Variants in TRPM3 observed in about 807,000 individuals in gnomAD.
The protein encoded by TRPM3 is transient receptor potential cation channel subfamily M member 3, also known as long transient receptor potential channel 3.
In TRPM3, 77 loss-of-function variants were observed where a neutral mutation model predicts 181.2. The ratio of observed to expected loss-of-function variants is 0.42; its 90% CI spans 0.35 to 0.51. TRPM3 has a LOEUF of 0.51. TRPM3 is among the 20% of genes least tolerant of loss of function. TRPM3 has a pLI of 0.01. For synonymous variants in TRPM3, 745 were observed against 796.4 expected, an observed-to-expected ratio of 0.94 and a Z score of 1.09; for missense variants, 1,759 against 2,196.7, an observed-to-expected ratio of 0.80 and a Z score of 3.98.
intron 5 of TRPM3, among the ~76,000 whole-genome samples, chr9:70,840,795 G>T (rs762269940): frequency 2.0e-5 from 3 of 152,152 alleles, no homozygotes; most frequent in Non-Finnish European, 2.9e-5. Flanking sequence ...AATACAAAGA[G>T]CCAGTAGGCC....
At chr9:71,337,632 T>C (rs1043700277) in intron 1 of TRPM3, among the ~76,000 whole-genome samples, 5 of 152,088 alleles carry the variant, frequency 3.3e-5, no homozygotes, top group Non-Finnish European at 7.4e-5. Context: ...CACATGCACA[T>C]GTATGTTTAT....
chr9:71,429,891 A>G (rs1337461746), intron 1 of TRPM3, among the ~76,000 whole-genome samples: 1 of 152,104 alleles, frequency 6.6e-6, no homozygotes, highest in Non-Finnish European at 1.5e-5. Context: ...GCCTCGGGAC[A>G]CTTGTACTTG....
chr9:71,395,242 A>G (rs2132979487), intron 1 of TRPM3, among the ~76,000 whole-genome samples: 1 of 152,268 alleles, frequency 6.6e-6, no homozygotes, highest in East Asian at 1.9e-4. Flanking sequence ...CCTAGTCTGT[A>G]TTTCCATCTC....
At chr9:71,074,850 G>T (rs1392479685) in intron 1 of TRPM3, among the ~76,000 whole-genome samples, 3 of 151,992 alleles carry the variant, frequency 2.0e-5, no homozygotes, top group African/African-American at 7.3e-5. Flanking sequence ...CCTGGGAAAG[G>T]CTAACTTGAA....
intron 22 of TRPM3, among the ~76,000 whole-genome samples, chr9:70,566,978 A>C (rs2050765633): frequency 6.6e-6 from 1 of 152,236 alleles, no homozygotes; most frequent in African/African-American, 2.4e-5. Flanking sequence ...AAAACCTCAC[A>C]GTATGAGGTT....
chr9:71,118,193 T>C (rs1300608024), intron 1 of TRPM3, among the ~76,000 whole-genome samples: 1 of 152,190 alleles, frequency 6.6e-6, no homozygotes, highest in Non-Finnish European at 1.5e-5. Flanking sequence ...CTATCATCAT[T>C]GTGTGCCTGT....
chr9:71,391,878 A>G (rs1416099569), intron 1 of TRPM3, among the ~76,000 whole-genome samples: 1 of 152,098 alleles, frequency 6.6e-6, no homozygotes. Flanking sequence ...CAGCTATTAA[A>G]TCACTCAATT....
At chr9:70,635,462 A>ATTTTTTTTTTTTTTT (rs71505401) in intron 11 of TRPM3, among the ~76,000 whole-genome samples, 1 of 113,130 alleles carries the variant, frequency 8.8e-6, no homozygotes, top group African/African-American at 3.4e-5. Context: ...TTTGTCAGTG[A>ATTTTTTTTTTTTTTT]TTTTTTTTTT....
rs758502760 is a variant in TRPM3, at chr9:70,862,948, G to T, written c.422C>A (p.Thr141Asn). 1 of 1,613,626 alleles carries T rather than the reference G, an allele frequency of 6.2e-7. No homozygotes were observed. The highest frequency in any genetic ancestry group is 1.7e-5 in the Admixed American group (1 of 59,982). ...ATGGCCACCTCCTTGGAACTCAATG[G>T]TCCCAAAAGCATCCGTAGGGCTGAG... ...TQLSPTDAFG[T>N]IEFQGGGHSN... is the part of the protein sequence containing the mutation. Residue 141 changes from threonine to asparagine, a missense_variant, in exon 3 of 26, where the codon ACC (threonine) becomes AAC (asparagine). By Grantham distance (65) the Thr-to-Asn change is moderately conservative. Transcript: ENST00000677713.
chr9:71,071,373 T>C (rs2062747910), intron 1 of TRPM3, among the ~76,000 whole-genome samples: 1 of 152,200 alleles, frequency 6.6e-6, no homozygotes, highest in Admixed American at 6.5e-5. Flanking sequence ...GCCTGCACCT[T>C]AACTAATAAA....
chr9:71,415,670 C>T (rs1474981476), intron 1 of TRPM3, among the ~76,000 whole-genome samples: 1 of 151,910 alleles, frequency 6.6e-6, no homozygotes, highest in East Asian at 1.9e-4. Context: ...CTGACTAATT[C>T]CCACTTATAA....
intron 1 of TRPM3, among the ~76,000 whole-genome samples, chr9:71,153,270 C>G (rs2075825799): frequency 6.6e-6 from 1 of 150,616 alleles, no homozygotes; most frequent in Non-Finnish European, 1.5e-5. Context: ...ACATTTCACA[C>G]TATTTTAAAT....
At chr9:71,059,008 T>C (rs1272294862) in intron 1 of TRPM3, among the ~76,000 whole-genome samples, 1 of 138,522 alleles carries the variant, frequency 7.2e-6, no homozygotes, top group East Asian at 2.1e-4. Context: ...TTTTTGTTTG[T>C]TCATTTTTTT....
intron 1 of TRPM3, among the ~76,000 whole-genome samples, chr9:71,103,525 T>G (rs2068807256): frequency 1.3e-5 from 2 of 152,276 alleles, no homozygotes; most frequent in South Asian, 4.1e-4. Context: ...AAAATTTATT[T>G]AGAGGAGACA....
At chr9:71,418,167 A>G (rs375156797) in intron 1 of TRPM3, among the ~76,000 whole-genome samples, 1 of 152,084 alleles carries the variant, frequency 6.6e-6, no homozygotes, top group African/African-American at 2.4e-5. Flanking sequence ...TCTGGGTCCA[A>G]GTACCAACTT....
At chr9:71,245,427 G>A (rs1204209520) in intron 1 of TRPM3, among the ~76,000 whole-genome samples, 2 of 137,266 alleles carry the variant, frequency 1.5e-5, no homozygotes, top group Admixed American at 7.5e-5. Context: ...CTGGGTGAGA[G>A]AGCGAGACTC....
intron 1 of TRPM3, among the ~76,000 whole-genome samples, chr9:71,431,802 C>T (rs895489731): frequency 1.3e-5 from 2 of 152,146 alleles, no homozygotes; most frequent in African/African-American, 4.8e-5. Context: ...ATTGAAACAG[C>T]CTGGTATTAA....
At chr9:71,089,517 G>A (rs1427711941) in intron 1 of TRPM3, among the ~76,000 whole-genome samples, 1 of 151,438 alleles carries the variant, frequency 6.6e-6, no homozygotes, top group Non-Finnish European at 1.5e-5. Context: ...TACAGAGCCA[G>A]AAATTGATTT....
At chr9:71,071,588 C>T (rs1212012286) in intron 1 of TRPM3, among the ~76,000 whole-genome samples, 1 of 152,192 alleles carries the variant, frequency 6.6e-6, no homozygotes, top group East Asian at 1.9e-4. Flanking sequence ...ATCCCACATC[C>T]TTTGCTAAAG....
Sources: gnomAD v4.1 joint callset for allele counts (sites outside exome capture counted in the v4.1 genomes callset) on GRCh38, gnomAD v4.1.1 for gene constraint, MANE v1.5 for transcripts, NCBI Gene and HGNC (gene_info 2026-07-23, HGNC 2026-07-21) for gene names.